AOPEP: variants seen among roughly 807,000 people sequenced by gnomAD.
The protein encoded by AOPEP is aminopeptidase O.
A neutral mutation model predicts 98.1 loss-of-function variants in AOPEP; 77 were observed. That is an observed-to-expected ratio of 0.78 (90% CI 0.65 to 0.95). AOPEP has a LOEUF of 0.95. Among genes scored for constraint, AOPEP ranks in the 40% least tolerant of loss-of-function variants. AOPEP has a pLI of 0.00. For missense variants in AOPEP, 1,024 were observed against 1,024.7 expected (o/e 1.00, Z 0.01); for synonymous variants, 346 against 365.3 (o/e 0.95, Z 0.60).
At chr9:95,064,119 T>A (rs962012227) in intron 14 of AOPEP, among the ~76,000 whole-genome samples, 2 of 152,162 alleles carry the variant, frequency 1.3e-5, no homozygotes, top group African/African-American at 4.8e-5. Flanking sequence ...AGGAAACAGA[T>A]TGTAAGGGCA....
At chr9:95,099,433 C>T in the AOPEP span, 87 of 226,750 alleles carry the variant, frequency 3.8e-4, no homozygotes, top group Non-Finnish European at 6.3e-4. Flanking sequence ...CTCGGCCACG[C>T]CGCGTCCCCG....
chr9:94,931,687 G>A (rs1454251241), intron 7 of AOPEP: 11 of 1,437,922 alleles, frequency 7.6e-6, no homozygotes, highest in East Asian at 2.5e-5. Context: ...CCATAACAAC[G>A]TAAAAATCTC....
rs573709379 is a variant in AOPEP at position 94,797,221 on chromosome 9, C to T, written c.1119-3536C>T. Among the ~76,000 whole-genome samples the T allele has an allele frequency of 5.3e-5, 8 of 152,248 alleles. No homozygotes were observed. In the South Asian group the frequency reaches 6.2e-4, roughly 12 times the overall value. On this transcript the variant is annotated intron_variant, in intron 4 of 16. Transcript: ENST00000375315. ...GGCCAAGGCGGGCGGATCACGAGGT[C>T]GGGAGATCGAGACCATCCTGACCAA...
chr9:95,000,152 G>T (rs1229924402), intron 11 of AOPEP, among the ~76,000 whole-genome samples: 1 of 152,112 alleles, frequency 6.6e-6, no homozygotes. Context: ...CAACAACTAG[G>T]TGTTTATTTA....
chr9:95,071,981 G>T (rs1178396055), intron 14 of AOPEP, among the ~76,000 whole-genome samples: 1 of 152,186 alleles, frequency 6.6e-6, no homozygotes, highest in Non-Finnish European at 1.5e-5. Context: ...GTGGAGTCGT[G>T]CTAAAGCTGG....
Position 94,955,212 on chromosome 9 carries a change from C to G in AOPEP, c.1697C>G (p.Ser566Trp). The G allele has an allele frequency of 6.2e-7, 1 of 1,613,442 alleles. No individual in the cohort carries two copies. The highest frequency in any genetic ancestry group is 1.1e-5 in the South Asian group (1 of 90,908). Reference protein sequence around the residue: ...SKDKTGHTSDSGASVIKHGLN... With the variant: ...SKDKTGHTSDWGASVIKHGLN... Reference sequence around the variant, plus strand: ...GACAAAACTGGCCACACAAGTGACTCGGGAGCATCTGTTATCAAGCATGGA... The same window carrying G: ...GACAAAACTGGCCACACAAGTGACTGGGGAGCATCTGTTATCAAGCATGGA... The change falls in exon 8 of 17, where the codon TCG becomes TGG. Residue 566 changes from serine to tryptophan, a missense_variant. Physicochemically the swap from Ser to Trp is radical, Grantham distance 177 (BLOSUM62 -3). This residue lies in a region of AOPEP where 566 missense variants were observed against 551.7 expected (regional missense o/e 1.03). Transcript: ENST00000375315.
chr9:95,001,673 T>G (rs1351434203), intron 11 of AOPEP, among the ~76,000 whole-genome samples: 3 of 152,250 alleles, frequency 2.0e-5, no homozygotes, highest in Admixed American at 6.5e-5. Flanking sequence ...TCATTCTAGA[T>G]TAAATTCAGC....
intron 13 of AOPEP, among the ~76,000 whole-genome samples, chr9:95,022,776 T>A (rs879154431): frequency 1.3e-5 from 2 of 152,238 alleles, no homozygotes; most frequent in Non-Finnish European, 2.9e-5. Flanking sequence ...AGAAGTTTTT[T>A]GATGTAGTTT....
intron 10 of AOPEP, among the ~76,000 whole-genome samples, chr9:94,975,092 G>A (rs769597257): frequency 3.9e-5 from 6 of 152,110 alleles, no homozygotes; most frequent in Admixed American, 6.5e-5. Flanking sequence ...TTAGTCGGGC[G>A]TGGTGGCACA....
At chr9:94,899,756 A>G (rs2050140256) in intron 5 of AOPEP, among the ~76,000 whole-genome samples, 1 of 152,114 alleles carries the variant, frequency 6.6e-6, no homozygotes, top group East Asian at 1.9e-4. Flanking sequence ...TCTAAAAAAA[A>G]ACAAACAAAA....
rs118041006 is a variant in AOPEP at position 94,806,924 on chromosome 9, G to A, written c.1364+5922G>A. ...TAGAAGCAGGAAGTCAGGGAGACAA[G>A]TAAAATGGCCTCATCTTGTGATGGC... On this transcript the variant is annotated intron_variant, in intron 5 of 16. Coordinates refer to ENST00000375315, the MANE Select transcript of AOPEP (RefSeq NM_001193329.3). Among the ~76,000 whole-genome samples, 279 of 152,334 alleles carry A rather than the reference G, an allele frequency of 1.8e-3. 7 individuals are homozygous for A. In the East Asian group the frequency reaches 0.049, roughly 27 times the overall value.
At chr9:95,024,675 T>C (rs1429645984) in intron 13 of AOPEP, among the ~76,000 whole-genome samples, 4 of 152,232 alleles carry the variant, frequency 2.6e-5, no homozygotes, top group African/African-American at 9.6e-5. Context: ...AATGTTGGTA[T>C]GGAGAATAAT....
At chr9:94,895,243 A>AAT (rs1554759865) in intron 5 of AOPEP, among the ~76,000 whole-genome samples, 1 of 147,926 alleles carries the variant, frequency 6.8e-6, no homozygotes, top group South Asian at 2.2e-4. Flanking sequence ...ATAAAATAAA[A>AAT]AAAAAAAATA....
chr9:94,923,580 C>T (rs2053905699), intron 5 of AOPEP, among the ~76,000 whole-genome samples: 1 of 152,200 alleles, frequency 6.6e-6, no homozygotes, highest in Non-Finnish European at 1.5e-5. Context: ...GTAAGCTGCT[C>T]AGATTTTTGG....
At chr9:95,099,944 CAG>C in the AOPEP span, 2 of 232,552 alleles carry the variant, frequency 8.6e-6, no homozygotes, top group African/African-American at 4.4e-5. Context: ...GACCACAGGA[CAG>C]GGTGGAGGAC....
At chr9:94,901,262 T>C (rs981913393) in intron 5 of AOPEP, among the ~76,000 whole-genome samples, 1 of 152,194 alleles carries the variant, frequency 6.6e-6, no homozygotes, top group African/African-American at 2.4e-5. Flanking sequence ...GTATAGAGTA[T>C]TCAAGTTTGC....
chr9:95,074,355 C>A (rs932727100), intron 14 of AOPEP, among the ~76,000 whole-genome samples: 2 of 152,154 alleles, frequency 1.3e-5, no homozygotes, highest in African/African-American at 4.8e-5. Flanking sequence ...CTTCATTCTT[C>A]CCACCCTAGA....
the AOPEP span, among the ~76,000 whole-genome samples, chr9:95,128,878 C>T: frequency 6.6e-6 from 1 of 151,742 alleles, no homozygotes; most frequent in Non-Finnish European, 1.5e-5. Flanking sequence ...GAAACAGCAA[C>T]GGCAGAGATT....
chr9:94,951,617 A>G (rs1198345102), intron 7 of AOPEP, among the ~76,000 whole-genome samples: 1 of 152,242 alleles, frequency 6.6e-6, no homozygotes, highest in East Asian at 1.9e-4. Context: ...TTAGAAACGA[A>G]TCTGGCTACA....
Sources: allele counts gnomAD v4.1 joint callset (sites outside exome capture counted in the v4.1 genomes callset), GRCh38; gene constraint gnomAD v4.1.1; regional missense constraint gnomAD v4.1.1; transcripts MANE v1.5; gene names NCBI Gene and HGNC (gene_info 2026-07-23, HGNC 2026-07-21).